Variants in NRBF2 observed in about 807,000 individuals in gnomAD.
NRBF2 encodes nuclear receptor-binding factor 2.
NRBF2 carries 12 observed loss-of-function variants against 28.5 expected under a neutral mutation model. That is an observed-to-expected ratio of 0.42 (90% CI 0.27 to 0.68). NRBF2 has a LOEUF of 0.68. Among genes scored for constraint, NRBF2 ranks in the 30% least tolerant of loss-of-function variants. The pLI is 0.24. For missense variants in NRBF2, 274 were observed against 333.5 expected (o/e 0.82, Z 1.39); for synonymous variants, 102 against 116.5 (o/e 0.88, Z 0.80).
intron 2 of NRBF2, among the ~76,000 whole-genome samples, chr10:63,151,035 C>G (rs1165361870): frequency 6.6e-6 from 1 of 152,176 alleles, no homozygotes; most frequent in African/African-American, 2.4e-5. Context: ...CTGTGTGGCC[C>G]AGTTCCTAAC....
intron 1 of NRBF2, among the ~76,000 whole-genome samples, chr10:63,134,105 GA>G (rs1841337909): frequency 6.6e-6 from 1 of 151,362 alleles, no homozygotes; most frequent in Admixed American, 6.6e-5. Context: ...CTGGGAAAAA[GA>G]CAGCCGTTCC....
At chr10:63,147,359 G>A (rs1370821358) in intron 2 of NRBF2, among the ~76,000 whole-genome samples, 2 of 149,952 alleles carry the variant, frequency 1.3e-5, no homozygotes, top group East Asian at 3.9e-4. Flanking sequence ...TTGCTCTGTC[G>A]CCCAGGCTGG....
Position 63,142,780 on chromosome 10 carries a change from C to CTTTTTTTTTTTTTTTTTTTT in NRBF2, c.31-3428_31-3409dup, listed in dbSNP as rs781293012. On this transcript the variant is annotated intron_variant, in intron 1 of 3. Transcript: ENST00000277746. ...AGTCATTTCTTTTCTTTCTTTCTTT[C>CTTTTTTTTTTTTTTTTTTTT]TTTTTTTTTTTTTTTTTTTTGAGGC... Among the ~76,000 whole-genome samples the CTTTTTTTTTTTTTTTTTTTT allele has an allele frequency of 9.9e-4, 74 of 74,892 alleles. 6 individuals are homozygous for CTTTTTTTTTTTTTTTTTTTT. Among genetic ancestry groups the CTTTTTTTTTTTTTTTTTTTT allele is most frequent in the African/African-American group, 3.2e-3 (55 of 17,106 alleles). 49.1% of individuals were successfully genotyped at this position (74,892 alleles called of 152,430 possible).
intron 1 of NRBF2, among the ~76,000 whole-genome samples, chr10:63,135,298 A>C (rs1841358086): frequency 1.3e-5 from 2 of 152,232 alleles, no homozygotes; most frequent in African/African-American, 4.8e-5. Context: ...ATTACTAGAA[A>C]TAATCAGCTG....
intron 1 of NRBF2, among the ~76,000 whole-genome samples, chr10:63,135,892 G>C (rs879156928): frequency 1.3e-5 from 2 of 152,092 alleles, no homozygotes; most frequent in African/African-American, 4.8e-5. Flanking sequence ...TGATCCCCCC[G>C]CCTGGCCTCC....
At chr10:63,146,385 T>C in intron 2 of NRBF2, 92 bp downstream of exon 2, 1 of 798,608 alleles carries the variant, frequency 1.3e-6, no homozygotes, top group Non-Finnish European at 2.0e-6. Context: ...GCAAGACTGA[T>C]ACTGCTGACC....
intron 1 of NRBF2, among the ~76,000 whole-genome samples, chr10:63,135,971 G>A (rs1224252990): frequency 6.6e-6 from 1 of 152,090 alleles, no homozygotes; most frequent in Non-Finnish European, 1.5e-5. Context: ...AACCATTTGA[G>A]TCTTGAAAGA....
At chr10:63,137,330 ATTTC>A (rs2099594204) in intron 1 of NRBF2, among the ~76,000 whole-genome samples, 1 of 152,226 alleles carries the variant, frequency 6.6e-6, no homozygotes, top group Admixed American at 6.5e-5. Context: ...ATATTTAGAT[ATTTC>A]TTTCCGTACA....
intron 2 of NRBF2, among the ~76,000 whole-genome samples, chr10:63,149,946 T>C (rs1206165271): frequency 6.7e-6 from 1 of 150,340 alleles, no homozygotes; most frequent in Non-Finnish European, 1.5e-5. Context: ...CCACAGATTT[T>C]TTTTTTTTTT....
intron 1 of NRBF2, 149 bp from the exon 2 acceptor site, chr10:63,146,060 A>G: frequency 1.5e-6 from 1 of 662,588 alleles, no homozygotes; most frequent in African/African-American, 1.8e-5. Context: ...TACCCATTAC[A>G]TTTCCCCAGC....
intron 1 of NRBF2, among the ~76,000 whole-genome samples, chr10:63,134,153 A>G (rs1841338835): frequency 6.6e-6 from 1 of 152,184 alleles, no homozygotes; most frequent in African/African-American, 2.4e-5. Context: ...AGGCATCATG[A>G]AAGTGTAATA....
chr10:63,133,400 C>T lies in NRBF2; in HGVS notation c.-71C>T, dbSNP rs1564527482. 2 of 1,592,822 alleles carry T rather than the reference C, an allele frequency of 1.3e-6. No homozygotes were observed. Among genetic ancestry groups the T allele is most frequent in the Non-Finnish European group, 1.7e-6 (2 of 1,166,512 alleles). On this transcript the variant is annotated 5_prime_UTR_variant, in exon 1 of 4. Transcript: ENST00000277746. ...CAGTCTCCGCGGCTGCGTCGAGCTC[C>T]CTTGCAGTCCCCTCCATGTTCCCCG...
intron 1 of NRBF2, among the ~76,000 whole-genome samples, chr10:63,134,339 A>G (rs2132673068): frequency 6.6e-6 from 1 of 152,298 alleles, no homozygotes; most frequent in Middle Eastern, 3.4e-3. Flanking sequence ...CCCATTTTGG[A>G]TGTAAAAGTC....
intron 1 of NRBF2, among the ~76,000 whole-genome samples, chr10:63,144,904 G>A (rs1322041944): frequency 1.3e-5 from 2 of 152,066 alleles, no homozygotes; most frequent in South Asian, 2.1e-4. Flanking sequence ...AATCGTGTGT[G>A]TTTGTTACTG....
chr10:63,149,403 C>A (rs533946534), intron 2 of NRBF2, among the ~76,000 whole-genome samples: 2 of 152,150 alleles, frequency 1.3e-5, no homozygotes, highest in Non-Finnish European at 2.9e-5. Flanking sequence ...TTCAGATTTC[C>A]TTAGTTCCTT....
Position 63,153,720 on chromosome 10 carries a change from C to A in NRBF2, c.366C>A (p.Ser122=). The change falls in exon 4 of 4, where the codon TCC becomes TCA. Residue 122 remains serine (S), a synonymous_variant. Coordinates refer to ENST00000277746, the MANE Select transcript of NRBF2 (RefSeq NM_030759.5). Reference sequence around the variant, plus strand: ...CCCTTTCTCAGAAGTACAGCCCTTCCACAGAGAAATGCCTGCCTGAGATTC... The same window carrying A: ...CCCTTTCTCAGAAGTACAGCCCTTCAACAGAGAAATGCCTGCCTGAGATTC... ...QSPLSQKYSP[S]TEKCLPEIQG... is the part of the protein sequence containing the mutation. 6.2e-7 allele frequency: 1 copy of A among 1,612,422 alleles called. No homozygotes were observed. Among genetic ancestry groups the A allele is most frequent in the Middle Eastern group, 2.0e-4 (1 of 5,016 alleles).
At position 63,147,249 on chromosome 10, in the gene NRBF2, C is replaced by CAGTA. The variant is rs1005257831; in HGVS notation, c.115+957_115+960dup. 3.9e-4 allele frequency among the ~76,000 whole-genome samples: 59 copies of CAGTA among 151,924 alleles called. 1 individual carries two copies. The highest frequency in any genetic ancestry group is 1.4e-3 in the African/African-American group (58 of 41,326). On this transcript the variant is annotated intron_variant, in intron 2 of 3. Transcript: ENST00000277746. ...TGTGAAATACAGACTGCAAGGTGGG[C>CAGTA]AGTAGATTGGATAAGTCTTCTTACT...
intron 2 of NRBF2, among the ~76,000 whole-genome samples, chr10:63,149,415 A>G (rs1841612447): frequency 6.6e-6 from 1 of 152,134 alleles, no homozygotes; most frequent in African/African-American, 2.4e-5. Flanking sequence ...TAGTTCCTTT[A>G]TTGTATCATT....
chr10:63,142,463 C>T (rs1841488421), intron 1 of NRBF2, among the ~76,000 whole-genome samples: 1 of 152,010 alleles, frequency 6.6e-6, no homozygotes, highest in African/African-American at 2.4e-5. Context: ...GCCACCATGC[C>T]CGGCCTTTTA....
Sources: gnomAD v4.1 joint callset for allele counts (sites outside exome capture counted in the v4.1 genomes callset) on GRCh38, gnomAD v4.1.1 for gene constraint, MANE v1.5 for transcripts, NCBI Gene and HGNC (gene_info 2026-07-23, HGNC 2026-07-21) for gene names.